GSG1L2: variants seen among roughly 807,000 people sequenced by gnomAD.
The protein encoded by GSG1L2 is germ cell-specific gene 1-like protein 2.
In GSG1L2, 15 loss-of-function variants were observed where a neutral mutation model predicts 9.0. The observed-to-expected ratio is 1.67, with a 90% confidence interval of 1.12 to 2.57. GSG1L2 has a LOEUF of 2.57. Ranked by LOEUF, GSG1L2 falls within the 30% of genes most tolerant of loss-of-function variation. The pLI, the probability that GSG1L2 is intolerant of heterozygous loss-of-function variation, is 0.00. For synonymous variants in GSG1L2, 127 were observed against 57.9 expected, an observed-to-expected ratio of 2.19 and a Z score of -5.41; for missense variants, 286 against 150.3, an observed-to-expected ratio of 1.90 and a Z score of -4.72.
chr17:9,802,432 G>C lies in GSG1L2; in HGVS notation c.836C>G (p.Ser279Cys). The stretch of plus-strand genomic sequence containing the variant: ...TGGGGCGCCTGGTGGGAGGTGTCCA[G>C]AAACATTCCTGAAGGCTTGTTCAGC... ...CPAEQAFRNV[S>C]GHLPPGAPGK... Residue 279 changes from serine to cysteine, a missense_variant, in exon 5 of 5, where the codon TCT becomes TGT. Coordinates refer to ENST00000399363, the MANE Select transcript of GSG1L2 (RefSeq NM_001310219.2). 1.4e-6 allele frequency: 1 copy of C among 697,658 alleles called. No individual in the cohort carries two copies. Among genetic ancestry groups the C allele is most frequent in the Non-Finnish European group, 2.6e-6 (1 of 381,578 alleles). The allele number at this position is 697,658 out of a possible 1,614,324, so 43.2% of individuals were successfully genotyped here.
chr17:9,813,194 T>C (rs2066545999), intron 1 of GSG1L2, among the ~76,000 whole-genome samples: 1 of 152,222 alleles, frequency 6.6e-6, no homozygotes, highest in South Asian at 2.1e-4. Flanking sequence ...AGATTTGCCA[T>C]GCCCATGCTC....
rs2066582964 is a variant in GSG1L2 at position 9,820,041 on chromosome 17, G to A, written c.310+1721C>T. On this transcript the variant is annotated intron_variant, in intron 1 of 4. Coordinates refer to ENST00000399363, the MANE Select transcript of GSG1L2 (RefSeq NM_001310219.2). This position sits in a 1 kb window ranked among gnomAD's most constrained non-coding sequence, Gnocchi z 4.9. The stretch of plus-strand genomic sequence containing the variant: ...GGAGGTGGAAGTTGCAGTGAGCTGA[G>A]ATTGCGCCGTTGCAATCCAGCCTGG... 6.6e-6 allele frequency among the ~76,000 whole-genome samples: 1 copy of A among 151,972 alleles called. No individual in the cohort carries two copies. The highest frequency in any genetic ancestry group is 1.5e-5 in the Non-Finnish European group (1 of 68,002).
chr17:9,819,888 C>T (rs1347227478), intron 1 of GSG1L2, among the ~76,000 whole-genome samples: 2 of 151,938 alleles, frequency 1.3e-5, no homozygotes, highest in African/African-American at 4.8e-5. Flanking sequence ...GCTGGGATTA[C>T]AGGTGTGAGC....
Position 9,802,372 on chromosome 17 carries a change from G to A in GSG1L2, c.*14C>T. On this transcript the variant is annotated 3_prime_UTR_variant, in exon 5 of 5. Transcript: ENST00000399363. ...CTTGTTTGCCTGTGCGGATGTGGCA[G>A]CCATGGACACTGGCTAGCATATGGA... The A allele has an allele frequency of 1.6e-6, 1 of 638,376 alleles. No individual in the cohort carries two copies. The highest frequency in any genetic ancestry group is 2.8e-6 in the Non-Finnish European group (1 of 351,382). The allele number at this position is 638,376 out of a possible 1,614,324, so 39.5% of individuals were successfully genotyped here. A position where few individuals can be genotyped will look rare whatever the true frequency, so the allele number is the denominator to read the frequency against.
At position 9,817,059 on chromosome 17, in the gene GSG1L2, GCCA is replaced by G. The variant is rs112714487; in HGVS notation, c.310+4700_310+4702del. On this transcript the variant is annotated intron_variant, in intron 1 of 4. Transcript: ENST00000399363. ...TCAGCTCGTTTTAGGCTGAGAAGAT[GCCA>G]CCACCACCACCACACACACGCTGAG... 6.6e-3 allele frequency among the ~76,000 whole-genome samples: 988 copies of G among 150,106 alleles called. 10 individuals are homozygous for G. Among genetic ancestry groups the G allele is most frequent in the African/African-American group, 0.022 (895 of 40,798 alleles).
chr17:9,816,678 T>TGCGC (rs1567711394), intron 1 of GSG1L2, among the ~76,000 whole-genome samples: 3 of 147,538 alleles, frequency 2.0e-5, no homozygotes, highest in South Asian at 2.2e-4. Flanking sequence ...TGTGTCTGTG[T>TGCGC]GTGTGTGTCT....
intron 1 of GSG1L2, among the ~76,000 whole-genome samples, chr17:9,816,886 G>C (rs1257477058): frequency 2.8e-5 from 4 of 144,830 alleles, no homozygotes; most frequent in African/African-American, 8.0e-5. Context: ...GTGTATCTGT[G>C]TGTGTGTATC....
intron 1 of GSG1L2, among the ~76,000 whole-genome samples, chr17:9,817,553 T>G (rs564325059): frequency 2.0e-4 from 30 of 151,608 alleles, no homozygotes; most frequent in African/African-American, 7.3e-4. Context: ...GCCTCCTGAG[T>G]AGCTGGAATT....
intron 1 of GSG1L2, among the ~76,000 whole-genome samples, chr17:9,816,271 T>C (rs907407423): frequency 1.3e-5 from 2 of 152,262 alleles, no homozygotes; most frequent in Non-Finnish European, 2.9e-5. Context: ...TGGAGAACAC[T>C]AACTCTCTTT....
rs921717808 is a variant in GSG1L2 at position 9,801,022 on chromosome 17, T to C, written c.*1364A>G. 1.3e-5 allele frequency among the ~76,000 whole-genome samples: 2 copies of C among 152,094 alleles called. No homozygotes were observed. On this transcript the variant is annotated 3_prime_UTR_variant, in exon 5 of 5. Transcript: ENST00000399363. ...TCACCTTGAGCCACAAACACGAAGG[T>C]AGCTGGATTTTTTTTTTCATTTTTT... is the stretch of plus-strand genomic sequence containing the variant.
rs984093696 is a variant in GSG1L2 at position 9,820,893 on chromosome 17, T to C, written c.310+869A>G. 6.6e-6 allele frequency among the ~76,000 whole-genome samples: 1 copy of C among 152,064 alleles called. No individual in the cohort carries two copies. The highest frequency in any genetic ancestry group is 1.5e-5 in the Non-Finnish European group (1 of 68,014). On this transcript the variant is annotated intron_variant, in intron 1 of 4. Transcript: ENST00000399363. This position sits in a 1 kb window ranked among gnomAD's most constrained non-coding sequence, Gnocchi z 4.9. ...TGCCAGGCTGGTCTGTAACTCCTGG[T>C]CTCAAGTGATTCTCCTGTCTCAGCT...
intron 1 of GSG1L2, among the ~76,000 whole-genome samples, chr17:9,818,728 G>C (rs912239685): frequency 6.6e-6 from 1 of 151,836 alleles, no homozygotes; most frequent in African/African-American, 2.4e-5. Context: ...TAAACTATTC[G>C]TGGTAAATCC....
At chr17:9,821,113 G>C (rs2066587787) in intron 1 of GSG1L2, among the ~76,000 whole-genome samples, 1 of 152,236 alleles carries the variant, frequency 6.6e-6, no homozygotes, top group Non-Finnish European at 1.5e-5. Context: ...GGTCAGGAAA[G>C]AAATGGGGAT....
At chr17:9,815,318 A>C (rs143478067) in intron 1 of GSG1L2, among the ~76,000 whole-genome samples, 2,239 of 152,288 alleles carry the variant, frequency 0.015, 51 homozygotes, top group African/African-American at 0.051. Flanking sequence ...TGAACCCCGG[A>C]GGCAGGGGTT....
chr17:9,821,932 G>A lies in GSG1L2; in HGVS notation c.140C>T (p.Pro47Leu), dbSNP rs762183465. ...GAAGTGAATGCAGTGCTGCCCTCCC[G>A]GCTGGTCCTGGCACAGTGGCTTCAC... is the stretch of plus-strand genomic sequence containing the variant. ...RVVKPLCQDQ[P>L]GGQHCIHFKR... The change falls in exon 1 of 5, where the codon CCG (proline) becomes CTG (leucine). Residue 47 changes from proline to leucine, a missense_variant. Physicochemically the swap from Pro to Leu is moderately conservative, Grantham distance 98. Coordinates refer to ENST00000399363, the MANE Select transcript of GSG1L2 (RefSeq NM_001310219.2). 57 of 703,044 alleles carry A rather than the reference G, an allele frequency of 8.1e-5. No homozygotes were observed. The highest frequency in any genetic ancestry group is 2.3e-4 in the Middle Eastern group (1 of 4,392). The allele number at this position is 703,044 out of a possible 1,614,324, so 43.6% of individuals were successfully genotyped here. A position where few individuals can be genotyped will look rare whatever the true frequency, so the allele number is the denominator to read the frequency against.
At chr17:9,810,408 C>CTATAGG in intron 2 of GSG1L2, 163 bp downstream of exon 2, 1 of 616,026 alleles carries the variant, frequency 1.6e-6, no homozygotes, top group East Asian at 2.7e-5. Flanking sequence ...ACACCACTGG[C>CTATAGG]TATAGGGCAC....
chr17:9,815,524 T>C (rs190936909), intron 1 of GSG1L2, among the ~76,000 whole-genome samples: 2 of 152,232 alleles, frequency 1.3e-5, no homozygotes, highest in African/African-American at 2.4e-5. Context: ...CACTGGAATA[T>C]GTAATGTTAA....
At position 9,801,408 on chromosome 17, in the gene GSG1L2, G is replaced by A; in HGVS notation, c.*978C>T. 6.6e-6 allele frequency among the ~76,000 whole-genome samples: 1 copy of A among 151,480 alleles called. No homozygotes were observed. The highest frequency in any genetic ancestry group is 1.9e-4 in the East Asian group (1 of 5,174). ...TTTTTTTTTTTTTAGTAGAGACAGG[G>A]TTTCACCATGTTGGCCAGGCTGGTC... On this transcript the variant is annotated 3_prime_UTR_variant, in exon 5 of 5. Coordinates refer to ENST00000399363, the MANE Select transcript of GSG1L2 (RefSeq NM_001310219.2).
chr17:9,809,097 G>C (rs2066528099), intron 2 of GSG1L2, 115 bp from the exon 3 acceptor site: 1 of 636,702 alleles, frequency 1.6e-6, no homozygotes, highest in South Asian at 1.8e-5. Context: ...AGACACGCTG[G>C]AGTGAAAATC....
Sources: gnomAD v4.1 joint callset for allele counts (sites outside exome capture counted in the v4.1 genomes callset) on GRCh38, gnomAD v4.1.1 for gene constraint, Gnocchi (gnomAD v3.1) non-coding constraint, MANE v1.5 for transcripts, NCBI Gene and HGNC (gene_info 2026-07-23, HGNC 2026-07-21) for gene names.